Variants in LMX1A observed in about 807,000 individuals in gnomAD.
LMX1A encodes the protein LIM homeobox transcription factor 1-alpha.
In LMX1A, 15 loss-of-function variants were observed where a neutral mutation model predicts 49.1. The observed-to-expected ratio is 0.31, with a 90% CI of 0.20 to 0.47. The LOEUF (loss-of-function observed/expected upper bound fraction) is 0.47, where lower values mean the gene tolerates loss of function less well. Among genes scored for constraint, LMX1A ranks in the 20% least tolerant of loss-of-function variants. The pLI, the probability that LMX1A is intolerant of heterozygous loss-of-function variation, is 1.00. For missense variants in LMX1A, 372 were observed against 475.8 expected, an observed-to-expected ratio of 0.78 and a Z score of 2.03; for synonymous variants, 167 against 185.7, an observed-to-expected ratio of 0.90 and a Z score of 0.82.
intron 4 of LMX1A, among the ~76,000 whole-genome samples, chr1:165,242,444 A>G (rs1312697011): frequency 7.0e-6 from 1 of 142,700 alleles, no homozygotes; most frequent in Non-Finnish European, 1.5e-5. Context: ...GGAAGAAAAA[A>G]TTTTAAATGA....
At chr1:165,261,112 C>T (rs1197267952) in intron 3 of LMX1A, among the ~76,000 whole-genome samples, 1 of 152,156 alleles carries the variant, frequency 6.6e-6, no homozygotes, top group Non-Finnish European at 1.5e-5. Context: ...TCCTGAATCC[C>T]CAAAGCAGCC....
At position 165,355,646 on chromosome 1, in the gene LMX1A, C is replaced by T. The variant is rs143599325; in HGVS notation, c.-22-65G>A. ...CGCTGGGACTCGGCGCCAGCAGCCA[C>T]CGCACTCCTGGGAAAGAACTGAGGG... On this transcript the variant is annotated intron_variant, in intron 1 of 8. Coordinates refer to ENST00000342310, the MANE Select transcript of LMX1A (RefSeq NM_177398.4). The surrounding 1 kb of genome is among the most constrained non-coding windows in gnomAD (Gnocchi z 4.7). The T allele has an allele frequency of 1.3e-4, 160 of 1,251,530 alleles. 1 individual carries two copies. Among genetic ancestry groups the T allele is most frequent in the South Asian group, 7.7e-4 (60 of 78,166 alleles). 77.5% of individuals were successfully genotyped at this position (1,251,530 alleles called of 1,614,324 possible). A position where few individuals can be genotyped will look rare whatever the true frequency, so the allele number is the denominator to read the frequency against.
At chr1:165,270,928 C>T (rs1393088728) in intron 3 of LMX1A, among the ~76,000 whole-genome samples, 1 of 152,206 alleles carries the variant, frequency 6.6e-6, no homozygotes, top group African/African-American at 2.4e-5. Context: ...ATTTCCTCTT[C>T]CAACAGTGGA....
At chr1:165,345,096 T>C (rs1356742200) in intron 3 of LMX1A, among the ~76,000 whole-genome samples, 1 of 152,192 alleles carries the variant, frequency 6.6e-6, no homozygotes, top group East Asian at 1.9e-4. Context: ...GGGGGGATAG[T>C]CCCCAGGAGC....
chr1:165,235,808 C>T (rs1228332129), intron 4 of LMX1A, among the ~76,000 whole-genome samples: 1 of 152,234 alleles, frequency 6.6e-6, no homozygotes, highest in Non-Finnish European at 1.5e-5. Context: ...TCAGGGGAGG[C>T]TCTAATTGAA....
chr1:165,279,295 T>C (rs1231794681), intron 3 of LMX1A, among the ~76,000 whole-genome samples: 1 of 152,204 alleles, frequency 6.6e-6, no homozygotes, highest in Non-Finnish European at 1.5e-5. Context: ...TAACTGCCTC[T>C]GCGGTCAGCA....
chr1:165,295,299 C>T (rs1157048925), intron 3 of LMX1A, among the ~76,000 whole-genome samples: 2 of 151,602 alleles, frequency 1.3e-5, no homozygotes, highest in African/African-American at 2.4e-5. Flanking sequence ...ACTACCAAAA[C>T]ATTAACAGTG....
intron 3 of LMX1A, among the ~76,000 whole-genome samples, chr1:165,302,402 C>T (rs1654809141): frequency 6.6e-6 from 1 of 151,682 alleles, no homozygotes; most frequent in Admixed American, 6.6e-5. Flanking sequence ...CAAGATCACA[C>T]CACTGTACTC....
chr1:165,346,915 T>G (rs1252570508), intron 3 of LMX1A, among the ~76,000 whole-genome samples: 1 of 152,212 alleles, frequency 6.6e-6, no homozygotes, highest in African/African-American at 2.4e-5. Context: ...AGACAGATAA[T>G]TGTGCTTTAC....
chr1:165,306,794 G>A (rs1209185319), intron 3 of LMX1A, among the ~76,000 whole-genome samples: 1 of 152,198 alleles, frequency 6.6e-6, no homozygotes, highest in East Asian at 1.9e-4. Context: ...GAGATGAGAT[G>A]GCTAGTGGTT....
intron 4 of LMX1A, among the ~76,000 whole-genome samples, chr1:165,223,296 T>C (rs1651918511): frequency 6.6e-6 from 1 of 152,216 alleles, no homozygotes. Flanking sequence ...ATATTTTTAT[T>C]ATGACTCTTG....
intron 4 of LMX1A, among the ~76,000 whole-genome samples, chr1:165,235,648 G>GACGACCTCGCC (rs1213268329): frequency 6.6e-6 from 1 of 152,110 alleles, no homozygotes; most frequent in Non-Finnish European, 1.5e-5. Flanking sequence ...GCGGACCCGG[G>GACGACCTCGCC]ACGACCTCGC....
At chr1:165,214,584 T>A (rs1219886534) in intron 4 of LMX1A, among the ~76,000 whole-genome samples, 1 of 152,232 alleles carries the variant, frequency 6.6e-6, no homozygotes, top group Non-Finnish European at 1.5e-5. Context: ...CCAATGAGCC[T>A]TGACTGTTGA....
chr1:165,319,427 G>A lies in LMX1A; in HGVS notation c.263+33649C>T, dbSNP rs912031815. Among the ~76,000 whole-genome samples the A allele has an allele frequency of 4.6e-5, 7 of 151,992 alleles. No individual in the cohort carries two copies. In the South Asian group the frequency reaches 6.2e-4, roughly 14 times the overall value. ...AAGCAAAATTTAAAACAGAGAAATC[G>A]AACCTTTAAAAATGTTAATATGCTT... On this transcript the variant is annotated intron_variant, in intron 3 of 8. Transcript: ENST00000342310.
intron 3 of LMX1A, among the ~76,000 whole-genome samples, chr1:165,305,807 C>G (rs1385703555): frequency 6.6e-6 from 1 of 152,138 alleles, no homozygotes; most frequent in Admixed American, 6.5e-5. Flanking sequence ...AGGTTAAGTA[C>G]CAAGACTCCA....
At chr1:165,277,799 G>A (rs1204210639) in intron 3 of LMX1A, among the ~76,000 whole-genome samples, 1 of 152,096 alleles carries the variant, frequency 6.6e-6, no homozygotes, top group Non-Finnish European at 1.5e-5. Context: ...GTCATTTGGG[G>A]CAAAAAGAAT....
chr1:165,310,322 A>C (rs1655038445), intron 3 of LMX1A, among the ~76,000 whole-genome samples: 1 of 152,234 alleles, frequency 6.6e-6, no homozygotes, highest in African/African-American at 2.4e-5. Flanking sequence ...CCAGGCAGGA[A>C]GATTTGACAG....
intron 3 of LMX1A, among the ~76,000 whole-genome samples, chr1:165,264,522 C>G (rs1653554199): frequency 6.6e-6 from 1 of 152,122 alleles, no homozygotes; most frequent in South Asian, 2.1e-4. Context: ...CCCTCCCAAC[C>G]ATGGAAATAA....
chr1:165,264,684 C>A (rs956077601), intron 3 of LMX1A, among the ~76,000 whole-genome samples: 1 of 152,102 alleles, frequency 6.6e-6, no homozygotes. Flanking sequence ...AGGCCTAGTG[C>A]GGTGGCTCAT....
Sources: gnomAD v4.1 joint callset for allele counts (sites outside exome capture counted in the v4.1 genomes callset) on GRCh38, gnomAD v4.1.1 for gene constraint, Gnocchi (gnomAD v3.1) non-coding constraint, MANE v1.5 for transcripts, NCBI Gene and HGNC (gene_info 2026-07-23, HGNC 2026-07-21) for gene names.